Variants in CDH20 observed in about 807,000 individuals in gnomAD.
CDH20 encodes the protein cadherin 20.
Under a neutral mutation model 74.2 loss-of-function variants are expected in CDH20, and 29 were observed. The ratio of observed to expected loss-of-function variants is 0.39; its 90% CI spans 0.29 to 0.53. The LOEUF (loss-of-function observed/expected upper bound fraction) is 0.53. CDH20 is among the 20% of genes least tolerant of loss of function. The pLI is 0.69. For synonymous variants in CDH20, 469 were observed against 405.4 expected (o/e 1.16, Z -1.88); for missense variants, 988 against 1,048.3 (o/e 0.94, Z 0.79).
At position 61,528,166 on chromosome 18, in the gene CDH20, C is replaced by A. The variant is rs771373009; in HGVS notation, c.1217C>A (p.Thr406Lys). 1 of 1,613,980 alleles carries A rather than the reference C, an allele frequency of 6.2e-7. No individual in the cohort carries two copies. The highest frequency in any genetic ancestry group is 1.3e-5 in the African/African-American group (1 of 74,914). Residue 406 changes from threonine (T) to lysine (K), a missense_variant, in exon 7 of 12, where the codon ACA becomes AAA. This residue lies in a region of CDH20 where 613 missense variants were observed against 755.2 expected (regional missense o/e 0.81). Transcript: ENST00000262717. ...GTGCCTGAGGATGTGGCGATTGGAACAACCATACAGATCATTTCTGCCAAG... is the reference window on the plus strand; with the variant it reads ...GTGCCTGAGGATGTGGCGATTGGAAAAACCATACAGATCATTTCTGCCAAG... The part of the protein sequence containing the change: ...VEVPEDVAIG[T>K]TIQIISAKDP...
At chr18:61,463,157 T>C (rs58403419) in intron 1 of CDH20, among the ~76,000 whole-genome samples, 5 of 152,138 alleles carry the variant, frequency 3.3e-5, no homozygotes, top group Non-Finnish European at 7.3e-5. Flanking sequence ...TTGTCTCTTT[T>C]CCCTTTTCCC....
chr18:61,334,974 T>C (rs1599020869), intron 1 of CDH20, among the ~76,000 whole-genome samples: 1 of 152,164 alleles, frequency 6.6e-6, no homozygotes. Flanking sequence ...CTGATGTGTG[T>C]CTTTCCACCA....
At chr18:61,347,442 C>T (rs1041909653) in intron 1 of CDH20, among the ~76,000 whole-genome samples, 1 of 149,886 alleles carries the variant, frequency 6.7e-6, no homozygotes, top group Non-Finnish European at 1.5e-5. Flanking sequence ...ATCACTTGAA[C>T]TTGGGAGGTG....
intron 1 of CDH20, among the ~76,000 whole-genome samples, chr18:61,421,592 A>G (rs1414791323): frequency 6.6e-6 from 1 of 152,192 alleles, no homozygotes; most frequent in Non-Finnish European, 1.5e-5. Context: ...TAGAGTTACT[A>G]TAGTTAACAC....
intron 11 of CDH20, among the ~76,000 whole-genome samples, chr18:61,550,521 T>C (rs1336013690): frequency 6.6e-6 from 1 of 152,202 alleles, no homozygotes; most frequent in African/African-American, 2.4e-5. Context: ...CTTCCTGAGT[T>C]TACTTCAGAA....
At chr18:61,465,268 A>G (rs1909921643) in intron 1 of CDH20, among the ~76,000 whole-genome samples, 2 of 152,168 alleles carry the variant, frequency 1.3e-5, no homozygotes. Context: ...AGAAAACCAA[A>G]AAAAAGCAAA....
At chr18:61,454,338 T>C (rs1209098072) in intron 1 of CDH20, among the ~76,000 whole-genome samples, 1 of 152,208 alleles carries the variant, frequency 6.6e-6, no homozygotes, top group African/African-American at 2.4e-5. Context: ...ACATAAAATA[T>C]GGAGTTATGA....
chr18:61,511,573 T>A (rs917068097), intron 6 of CDH20, among the ~76,000 whole-genome samples: 1 of 152,178 alleles, frequency 6.6e-6, no homozygotes, highest in Non-Finnish European at 1.5e-5. Context: ...AATGTTATCT[T>A]ATGTCTTAAA....
At position 61,545,041 on chromosome 18, in the gene CDH20, G is replaced by C. The variant is rs774612544; in HGVS notation, c.1545G>C (p.Val515=). The C allele has an allele frequency of 1.4e-5, 23 of 1,612,636 alleles. No individual in the cohort carries two copies. The highest frequency in any genetic ancestry group is 1.8e-5 in the Non-Finnish European group (21 of 1,178,798). The stretch of plus-strand genomic sequence containing the variant: ...CCCTCCCTCAGCTGATCCAGACAGT[G>C]AGTGCGGTGGACCAAGATGACCCAC... The part of the protein sequence containing the change: ...NAKAGQLIQT[V]SAVDQDDPRN... The change falls in exon 10 of 12, where the codon GTG becomes GTC. Residue 515 remains valine, a synonymous_variant. Transcript: ENST00000262717.
intron 7 of CDH20, among the ~76,000 whole-genome samples, chr18:61,528,482 C>CACACACACACACACACACACA (rs1912529802): frequency 6.7e-6 from 1 of 150,220 alleles, no homozygotes; most frequent in African/African-American, 2.4e-5. Context: ...CACACACACA[C>CACACACACACACACACACACA]CCCTTAGTTC....
chr18:61,555,525 G>A lies in CDH20; in HGVS notation c.*830G>A, dbSNP rs186178396. ...TGGAGATTAGATGCTACAAATGAAAGCCAAATAAAAAAGAAGTATCTGACA... is the reference window on the plus strand; with the variant it reads ...TGGAGATTAGATGCTACAAATGAAAACCAAATAAAAAAGAAGTATCTGACA... On this transcript the variant is annotated 3_prime_UTR_variant, in exon 12 of 12. Transcript: ENST00000262717. 1 of 985,388 alleles carries A rather than the reference G, an allele frequency of 1.0e-6. No homozygotes were observed. Among genetic ancestry groups the A allele is most frequent in the East Asian group, 1.1e-4 (1 of 8,816 alleles). 61.0% of individuals were successfully genotyped at this position (985,388 alleles called of 1,614,324 possible). A position where few individuals can be genotyped will look rare whatever the true frequency, so the allele number is the denominator to read the frequency against.
chr18:61,503,843 G>T (rs186585254), intron 5 of CDH20, among the ~76,000 whole-genome samples: 1 of 152,272 alleles, frequency 6.6e-6, no homozygotes, highest in Non-Finnish European at 1.5e-5. Flanking sequence ...TTCAACAGGG[G>T]GCTAAAGAAT....
At chr18:61,366,500 T>C (rs1287498494) in intron 1 of CDH20, among the ~76,000 whole-genome samples, 1 of 152,194 alleles carries the variant, frequency 6.6e-6, no homozygotes, top group Non-Finnish European at 1.5e-5. Context: ...GGACATTACA[T>C]AAATCCTTAT....
chr18:61,430,306 G>C (rs1342482671), intron 1 of CDH20, among the ~76,000 whole-genome samples: 1 of 152,066 alleles, frequency 6.6e-6, no homozygotes, highest in African/African-American at 2.4e-5. Flanking sequence ...GTAACTACTA[G>C]TCAGTTGATT....
intron 6 of CDH20, among the ~76,000 whole-genome samples, chr18:61,526,405 G>A (rs1307571796): frequency 1.3e-5 from 2 of 151,900 alleles, no homozygotes; most frequent in East Asian, 3.9e-4. Flanking sequence ...TTGTTTAAAT[G>A]GGTACATGCC....
chr18:61,475,590 A>C (rs894019728), intron 1 of CDH20, among the ~76,000 whole-genome samples: 1 of 152,178 alleles, frequency 6.6e-6, no homozygotes, highest in Non-Finnish European at 1.5e-5. Context: ...TACTTGTTGC[A>C]TATTTGGAAA....
intron 1 of CDH20, among the ~76,000 whole-genome samples, chr18:61,432,260 A>AAC (rs1555676176): frequency 2.6e-5 from 4 of 151,334 alleles, no homozygotes; most frequent in African/African-American, 9.7e-5. Context: ...AAAAAAAAAA[A>AAC]AAAACACAAA....
chr18:61,552,462 G>A (rs1326716115), intron 11 of CDH20, among the ~76,000 whole-genome samples: 18 of 150,940 alleles, frequency 1.2e-4, no homozygotes, highest in African/African-American at 4.1e-4. Context: ...CTATATAAAC[G>A]GCCTAATTCT....
At chr18:61,552,380 T>C (rs1463486687) in intron 11 of CDH20, among the ~76,000 whole-genome samples, 2 of 152,014 alleles carry the variant, frequency 1.3e-5, no homozygotes, top group Admixed American at 6.6e-5. Context: ...ATATTTGTTA[T>C]TTACCTAATT....
Sources: gnomAD v4.1 joint callset for allele counts (sites outside exome capture counted in the v4.1 genomes callset) on GRCh38, gnomAD v4.1.1 for gene constraint, gnomAD v4.1.1 regional missense constraint, MANE v1.5 for transcripts, NCBI Gene and HGNC (gene_info 2026-07-23, HGNC 2026-07-21) for gene names.